The following LIAS variants were observed in gnomAD, a reference collection of about 807,000 sequenced individuals.
LIAS encodes the protein lipoyl synthase, mitochondrial.
In LIAS, 36 loss-of-function variants were observed where a neutral mutation model predicts 49.4. That is an observed-to-expected ratio of 0.73 (90% confidence interval 0.56 to 0.96). The LOEUF (loss-of-function observed/expected upper bound fraction) is 0.96. Among genes scored for constraint, LIAS ranks in the 40% least tolerant of loss-of-function variants. The pLI is 0.00. For missense variants in LIAS, 399 were observed against 456.3 expected (o/e 0.87, Z 1.14); for synonymous variants, 145 against 155.8 (o/e 0.93, Z 0.52).
chr4:39,472,445 C>A (rs2109886902), intron 9 of LIAS, among the ~76,000 whole-genome samples: 1 of 152,298 alleles, frequency 6.6e-6, no homozygotes, highest in South Asian at 2.1e-4. Flanking sequence ...TTATTATCTA[C>A]ATAAATCAGC....
In LIAS at chr4:39,477,142, A is replaced by G. The variant is rs1157745887; in HGVS notation, c.*27A>G. 1.3e-6 allele frequency: 2 copies of G among 1,567,236 alleles called. No homozygotes were observed. The highest frequency in any genetic ancestry group is 1.7e-6 in the Non-Finnish European group (2 of 1,148,966). On this transcript the variant is annotated 3_prime_UTR_variant, in exon 11 of 11. Coordinates refer to ENST00000640888, the MANE Select transcript of LIAS (RefSeq NM_006859.4). Reference sequence around the variant, plus strand: ...ACTTCAACAAGACCTTCAAGATCACAGAAATTTTTAAAATTTGATTCCAGT... The same window carrying G: ...ACTTCAACAAGACCTTCAAGATCACGGAAATTTTTAAAATTTGATTCCAGT...
rs752252749 is a variant in LIAS at position 39,477,129 on chromosome 4, C to A, written c.*14C>A. The A allele has an allele frequency of 4.5e-4, 708 of 1,585,374 alleles. 1 individual carries two copies. The highest frequency in any genetic ancestry group is 5.7e-4 in the Non-Finnish European group (662 of 1,166,058). The stretch of plus-strand genomic sequence containing the variant: ...AAAGACCTCTAAAACTTCAACAAGA[C>A]CTTCAAGATCACAGAAATTTTTAAA... On this transcript the variant is annotated 3_prime_UTR_variant, in exon 11 of 11. Coordinates refer to ENST00000640888, the MANE Select transcript of LIAS (RefSeq NM_006859.4).
chr4:39,461,083 T>C (rs1167665357), intron 2 of LIAS, 121 bp downstream of exon 2: 1 of 816,442 alleles, frequency 1.2e-6, no homozygotes, highest in African/African-American at 1.7e-5. Flanking sequence ...CTAAAAATCA[T>C]TAGAAAGATG....
chr4:39,465,697 G>A lies in LIAS; in HGVS notation c.608+355G>A, dbSNP rs140261683. On this transcript the variant is annotated intron_variant, in intron 6 of 10. Transcript: ENST00000640888. ...TTTTTTTTTTTTGAGATGGAGTCTCGCTCTTTTGCCCAGGCTAGAGTGCAT... is the reference window on the plus strand; with the variant it reads ...TTTTTTTTTTTTGAGATGGAGTCTCACTCTTTTGCCCAGGCTAGAGTGCAT... Among the ~76,000 whole-genome samples the A allele has an allele frequency of 6.8e-5, 10 of 146,342 alleles. No homozygotes were observed. In the East Asian group the frequency reaches 1.8e-3, roughly 26 times the overall value.
intron 9 of LIAS, among the ~76,000 whole-genome samples, chr4:39,471,819 C>T (rs113326262): frequency 0.078 from 11,825 of 151,924 alleles, 564 homozygotes; most frequent in African/African-American, 0.13. Context: ...TGAGCCACCG[C>T]ACCCAGCCAA....
chr4:39,459,256 T>G lies in LIAS; in HGVS notation c.45+94T>G, dbSNP rs1560663780. Reference sequence around the variant, plus strand: ...CAATAATAAAGGCCAGTGCATTTACTGAACATTTACTACTAGCCAACGGCA... The same window carrying G: ...CAATAATAAAGGCCAGTGCATTTACGGAACATTTACTACTAGCCAACGGCA... On this transcript the variant is annotated intron_variant, in intron 1 of 10. Coordinates refer to ENST00000640888, the MANE Select transcript of LIAS (RefSeq NM_006859.4). 6 of 1,165,170 alleles carry G rather than the reference T, an allele frequency of 5.1e-6. No homozygotes were observed. In the South Asian group the frequency reaches 5.6e-5, roughly 11 times the overall value. 72.2% of individuals were successfully genotyped at this position (1,165,170 alleles called of 1,614,324 possible). A position where few individuals can be genotyped will look rare whatever the true frequency, so the allele number is the denominator to read the frequency against.
chr4:39,463,904 G>T, intron 4 of LIAS: 1 of 323,168 alleles, frequency 3.1e-6, no homozygotes, highest in Non-Finnish European at 5.2e-6. Flanking sequence ...CTTTTTATGT[G>T]TTTTCTGTTT....
chr4:39,467,473 G>A, intron 6 of LIAS, 45 bp from the exon 7 acceptor site: 1 of 1,521,578 alleles, frequency 6.6e-7, no homozygotes. Flanking sequence ...GAACAGGTAT[G>A]TCAGTTCTTT....
At chr4:39,467,319 G>A in intron 6 of LIAS, 199 bp from the exon 7 acceptor site, 1 of 365,246 alleles carries the variant, frequency 2.7e-6, no homozygotes, top group Non-Finnish European at 4.8e-6. Flanking sequence ...TAACCACTGT[G>A]TACATAGTAT....
At chr4:39,461,663 AGC>A (rs1744503196) in intron 2 of LIAS, among the ~76,000 whole-genome samples, 1 of 152,178 alleles carries the variant, frequency 6.6e-6, no homozygotes, top group Non-Finnish European at 1.5e-5. Flanking sequence ...ACGTGAGTAT[AGC>A]GCCCTGTTAC....
Position 39,471,326 on chromosome 4 carries a change from C to CT in LIAS, c.954+37dup, listed in dbSNP as rs67611743. The CT allele has an allele frequency of 0.13, 160,719 of 1,232,404 alleles. 2,022 individuals are homozygous for CT. The highest frequency in any genetic ancestry group is 0.15 in the Non-Finnish European group (130,541 of 899,550). The allele number at this position is 1,232,404 out of a possible 1,614,324, so 76.3% of individuals were successfully genotyped here. ...CTTAAGGTACATGTATCTTGATTTG[C>CT]TTTTTTTTTTTTTTTTTATTTTTAA... On this transcript the variant is annotated intron_variant, in intron 9 of 10. Transcript: ENST00000640888.
chr4:39,472,822 GT>G (rs1745045489), intron 9 of LIAS, among the ~76,000 whole-genome samples: 1 of 152,196 alleles, frequency 6.6e-6, no homozygotes, highest in Non-Finnish European at 1.5e-5. Context: ...AATAATATCT[GT>G]AGATAATCTC....
At chr4:39,461,042 C>T (rs1744475177) in intron 2 of LIAS, 80 bp downstream of exon 2, 1 of 1,218,036 alleles carries the variant, frequency 8.2e-7, no homozygotes, top group Non-Finnish European at 1.1e-6. Context: ...GCCCTAGAAT[C>T]TGTTTTTAAT....
chr4:39,478,020 C>CT lies in LIAS; in HGVS notation c.*906dup, dbSNP rs1331740969. On this transcript the variant is annotated 3_prime_UTR_variant, in exon 11 of 11. Transcript: ENST00000640888. ...AACTTCCAGAAGATTTTCCAATCCA[C>CT]TGTTAACATCATTACATTTCATTTA... 1 of 152,076 alleles carries CT rather than the reference C, an allele frequency of 6.6e-6. No individual in the cohort carries two copies. Among genetic ancestry groups the CT allele is most frequent in the Non-Finnish European group, 1.5e-5 (1 of 68,014 alleles). The allele number at this position is 152,076 out of a possible 1,614,324, so 9.4% of individuals were successfully genotyped here.
At chr4:39,475,766 A>G (rs577139648) in intron 10 of LIAS, 1 of 152,308 alleles carries the variant, frequency 6.6e-6, no homozygotes, top group South Asian at 2.1e-4. Flanking sequence ...AGTTCTAGCT[A>G]CCCAGGAGGT....
chr4:39,459,127 C>A lies in LIAS; in HGVS notation c.10C>A (p.Arg4Ser). ...TAGTCCTAAAGAGGAAATGTCTCTA[C>A]GCTGCGGGGATGCAGCCCGCACCCT... MSL[R>S]CGDAARTLGP... The change falls in exon 1 of 11, where the codon CGC becomes AGC. Residue 4 changes from arginine to serine, a missense_variant. Coordinates refer to ENST00000640888, the MANE Select transcript of LIAS (RefSeq NM_006859.4). The A allele has an allele frequency of 6.2e-7, 1 of 1,614,054 alleles. No individual in the cohort carries two copies. The highest frequency in any genetic ancestry group is 8.5e-7 in the Non-Finnish European group (1 of 1,180,030).
intron 7 of LIAS, chr4:39,468,028 AAAT>A (rs1744825103): frequency 6.6e-6 from 1 of 152,114 alleles, no homozygotes; most frequent in Non-Finnish European, 1.5e-5. Context: ...TAATACCCAC[AAAT>A]AATTAACATC....
chr4:39,464,911 A>C (rs1292545683), intron 4 of LIAS, 135 bp from the exon 5 acceptor site: 2 of 611,606 alleles, frequency 3.3e-6, no homozygotes, highest in Admixed American at 3.3e-5. Flanking sequence ...ACTATCATTT[A>C]GTTTTGAATG....
At position 39,459,101 on chromosome 4, in the gene LIAS, C is replaced by T. The variant is rs749933078; in HGVS notation, c.-17C>T. The T allele has an allele frequency of 6.2e-7, 1 of 1,614,000 alleles. No individual in the cohort carries two copies. The highest frequency in any genetic ancestry group is 1.3e-5 in the African/African-American group (1 of 74,932). ...GCGATCCCTCAACCCCTGCACTGCG[C>T]TAGTCCTAAAGAGGAAATGTCTCTA... is the stretch of plus-strand genomic sequence containing the variant. On this transcript the variant is annotated 5_prime_UTR_variant, in exon 1 of 11. Transcript: ENST00000640888.
Sources: allele counts gnomAD v4.1 joint callset (sites outside exome capture counted in the v4.1 genomes callset), GRCh38; gene constraint gnomAD v4.1.1; transcripts MANE v1.5; gene names NCBI Gene and HGNC (gene_info 2026-07-23, HGNC 2026-07-21).